The following MICU1 variants were observed in gnomAD, a reference collection of about 807,000 sequenced individuals.
MICU1 encodes the protein mitochondrial calcium uptake 1, also known as calcium uptake protein 1, mitochondrial.
In MICU1, 45 loss-of-function variants were observed where a neutral mutation model predicts 56.8. That is an observed-to-expected ratio of 0.79 (90% confidence interval 0.62 to 1.02). MICU1 has a LOEUF of 1.02. Ranked by LOEUF, MICU1 falls within the 50% of genes least tolerant of loss-of-function variation. MICU1 has a pLI of 0.00. For synonymous variants in MICU1, 186 were observed against 195.1 expected (o/e 0.95, Z 0.39); for missense variants, 504 against 587.1 (o/e 0.86, Z 1.46).
chr10:72,612,829 G>T (rs1589391021), intron 1 of MICU1, among the ~76,000 whole-genome samples: 1 of 151,176 alleles, frequency 6.6e-6, no homozygotes, highest in South Asian at 2.1e-4. Flanking sequence ...GGATGCATAG[G>T]AAGAATGCAT....
chr10:72,526,674 CAT>C (rs946840912), intron 5 of MICU1, among the ~76,000 whole-genome samples: 1 of 152,126 alleles, frequency 6.6e-6, no homozygotes, highest in Non-Finnish European at 1.5e-5. Flanking sequence ...CTATATTTAA[CAT>C]ATAATTAATC....
chr10:72,519,875 T>C (rs1867765779), intron 5 of MICU1, among the ~76,000 whole-genome samples: 1 of 152,204 alleles, frequency 6.6e-6, no homozygotes, highest in East Asian at 1.9e-4. Context: ...GCAAAATCAA[T>C]GCTTACATAT....
At chr10:72,466,639 A>G (rs1865802055) in intron 8 of MICU1, among the ~76,000 whole-genome samples, 1 of 152,168 alleles carries the variant, frequency 6.6e-6, no homozygotes, top group South Asian at 2.1e-4. Flanking sequence ...TTCCCCAGAG[A>G]ACAAAACCAA....
intron 8 of MICU1, among the ~76,000 whole-genome samples, chr10:72,447,112 T>C (rs1256457527): frequency 3.9e-5 from 6 of 152,248 alleles, no homozygotes; most frequent in Non-Finnish European, 8.8e-5. Context: ...AGTTGAATTA[T>C]AACCTCTTTT....
At chr10:72,378,450 C>A (rs1314752769) in intron 10 of MICU1, among the ~76,000 whole-genome samples, 1 of 152,144 alleles carries the variant, frequency 6.6e-6, no homozygotes, top group Non-Finnish European at 1.5e-5. Context: ...CTTCCTCCTG[C>A]TCTGGCCATG....
intron 6 of MICU1, among the ~76,000 whole-genome samples, chr10:72,492,264 T>C (rs1390872713): frequency 1.3e-5 from 2 of 152,106 alleles, no homozygotes; most frequent in African/African-American, 4.8e-5. Flanking sequence ...TTCTCGCTGC[T>C]GTATTGCAAG....
chr10:72,511,176 T>C (rs1867436505), intron 5 of MICU1, among the ~76,000 whole-genome samples: 1 of 152,186 alleles, frequency 6.6e-6, no homozygotes, highest in Non-Finnish European at 1.5e-5. Flanking sequence ...GCCTTTTAGG[T>C]TTGGCTTCTT....
intron 10 of MICU1, among the ~76,000 whole-genome samples, chr10:72,383,245 C>CAAA (rs56293812): frequency 4.2e-5 from 5 of 119,100 alleles, no homozygotes; most frequent in East Asian, 2.8e-4. Flanking sequence ...GACCCTGTCT[C>CAAA]AAAAAAAAAA....
chr10:72,388,199 C>A (rs1862955528), intron 10 of MICU1, among the ~76,000 whole-genome samples: 1 of 152,208 alleles, frequency 6.6e-6, no homozygotes, highest in African/African-American at 2.4e-5. Flanking sequence ...TGCAACAGAG[C>A]ACTGGTATAC....
At chr10:72,434,591 T>C (rs1403339873) in intron 8 of MICU1, among the ~76,000 whole-genome samples, 3 of 152,174 alleles carry the variant, frequency 2.0e-5, no homozygotes, top group African/African-American at 7.2e-5. Context: ...TTCAAAGATG[T>C]TCTTCTTTTC....
chr10:72,426,250 C>T (rs1864342830), intron 8 of MICU1, among the ~76,000 whole-genome samples: 1 of 152,150 alleles, frequency 6.6e-6, no homozygotes, highest in Admixed American at 6.5e-5. Flanking sequence ...AAACTCTTGA[C>T]CTCAGGTGAT....
At chr10:72,475,742 T>C in intron 7 of MICU1, 2 of 426,392 alleles carry the variant, frequency 4.7e-6, no homozygotes, top group Non-Finnish European at 9.3e-6. Context: ...AATAATCTTA[T>C]AGGTGCTATT....
At chr10:72,371,386 CAAAAA>C (rs56014491) in intron 11 of MICU1, among the ~76,000 whole-genome samples, 2 of 91,204 alleles carry the variant, frequency 2.2e-5, no homozygotes, top group Admixed American at 2.5e-4. Context: ...GACTCCGTCT[CAAAAA>C]AAAAAAAAAA....
At chr10:72,611,282 G>C (rs1431947647) in intron 1 of MICU1, among the ~76,000 whole-genome samples, 1 of 145,440 alleles carries the variant, frequency 6.9e-6, no homozygotes. Flanking sequence ...CAGCCTGGGA[G>C]ACACAGCGAG....
At chr10:72,565,363 A>G (rs546482311) in intron 2 of MICU1, among the ~76,000 whole-genome samples, 9 of 151,868 alleles carry the variant, frequency 5.9e-5, no homozygotes, top group Non-Finnish European at 1.2e-4. Flanking sequence ...GCTGGAAACC[A>G]TCATTCTCAG....
At chr10:72,582,904 C>G (rs1840940428) in intron 1 of MICU1, 1 of 151,832 alleles carries the variant, frequency 6.6e-6, no homozygotes, top group Non-Finnish European at 1.5e-5. Flanking sequence ...TGCTACATGA[C>G]CATCGAGTGT....
chr10:72,370,472 C>T lies in MICU1; in HGVS notation c.1271-2117G>A, dbSNP rs569214860. The stretch of plus-strand genomic sequence containing the variant: ...TATGGGCATCCTCAGAGACAGGAAA[C>T]CCCCCACAGCAAGACAAAACCCAAA... On this transcript the variant is annotated intron_variant, in intron 11 of 11. Coordinates refer to ENST00000361114, the MANE Select transcript of MICU1 (RefSeq NM_001195518.2). 6.6e-5 allele frequency among the ~76,000 whole-genome samples: 10 copies of T among 152,080 alleles called. No homozygotes were observed. The South Asian group carries it at 1.7e-3, about 25-fold the overall frequency.
At chr10:72,524,178 T>G (rs1448919757) in intron 5 of MICU1, among the ~76,000 whole-genome samples, 1 of 152,142 alleles carries the variant, frequency 6.6e-6, no homozygotes, top group Non-Finnish European at 1.5e-5. Context: ...GCTGGAGTAG[T>G]GTCACAATCT....
chr10:72,398,609 A>C (rs1184798884), intron 10 of MICU1, among the ~76,000 whole-genome samples: 1 of 152,186 alleles, frequency 6.6e-6, no homozygotes, highest in Non-Finnish European at 1.5e-5. Flanking sequence ...GATAACGGGG[A>C]TATACCACTG....
Sources: allele counts gnomAD v4.1 joint callset (sites outside exome capture counted in the v4.1 genomes callset), GRCh38; gene constraint gnomAD v4.1.1; transcripts MANE v1.5; gene names NCBI Gene and HGNC (gene_info 2026-07-23, HGNC 2026-07-21).